Variants in ALK observed in about 807,000 individuals in gnomAD.
ALK encodes ALK receptor tyrosine kinase.
ALK carries 74 observed loss-of-function variants against 163.1 expected under a neutral mutation model. The ratio of observed to expected loss-of-function variants is 0.45; its 90% CI spans 0.38 to 0.55. The LOEUF is 0.55. Among genes scored for constraint, ALK ranks in the 20% least tolerant of loss-of-function variants. The pLI is 0.00. For synonymous variants in ALK, 960 were observed against 843.2 expected (o/e 1.14, Z -2.40); for missense variants, 2,063 against 2,105.3 (o/e 0.98, Z 0.39).
chr2:29,218,421 G>A (rs979580531), intron 23 of ALK, among the ~76,000 whole-genome samples: 8 of 152,174 alleles, frequency 5.3e-5, no homozygotes, highest in Admixed American at 3.3e-4. Flanking sequence ...CTGACTCTCC[G>A]AGGGTGGCAC....
In ALK at chr2:29,913,970, G is replaced by T. The variant is rs148367140; in HGVS notation, c.667+6023C>A. On this transcript the variant is annotated intron_variant, in intron 1 of 28. Transcript: ENST00000389048. ...TCTAGACCTGGACAGAGCACTCTCA[G>T]TTAAGAAACGTCTGCCATCTGAAAA... is the stretch of plus-strand genomic sequence containing the variant. 3.7e-3 allele frequency among the ~76,000 whole-genome samples: 570 copies of T among 152,290 alleles called. 2 individuals are homozygous for T. Among genetic ancestry groups the T allele is most frequent in the African/African-American group, 0.012 (492 of 41,536 alleles).
chr2:29,424,298 A>C (rs1415361760), intron 4 of ALK, among the ~76,000 whole-genome samples: 1 of 152,222 alleles, frequency 6.6e-6, no homozygotes, highest in Non-Finnish European at 1.5e-5. Flanking sequence ...TGACCAACCT[A>C]AAAATAGCCA....
chr2:29,608,469 G>A (rs901185128), intron 3 of ALK, among the ~76,000 whole-genome samples: 3 of 152,184 alleles, frequency 2.0e-5, no homozygotes, highest in African/African-American at 7.2e-5. Context: ...ATCTAAGATT[G>A]TGTCTTCTTG....
chr2:29,279,236 A>G (rs1210460568), intron 9 of ALK, among the ~76,000 whole-genome samples: 1 of 152,194 alleles, frequency 6.6e-6, no homozygotes, highest in East Asian at 1.9e-4. Flanking sequence ...TTTGATTGAC[A>G]CTGTGAATTG....
chr2:29,436,621 GT>G (rs1202682370), intron 4 of ALK, among the ~76,000 whole-genome samples: 3 of 152,152 alleles, frequency 2.0e-5, no homozygotes, highest in Non-Finnish European at 4.4e-5. Flanking sequence ...ACAGAGGCCA[GT>G]TTTTTTGCTA....
At chr2:29,900,678 G>C (rs1385468730) in intron 1 of ALK, among the ~76,000 whole-genome samples, 2 of 152,196 alleles carry the variant, frequency 1.3e-5, no homozygotes, top group Non-Finnish European at 2.9e-5. Context: ...CCTTGACTGG[G>C]CTTCACAGAA....
chr2:29,710,468 C>T (rs1558453676), intron 2 of ALK, among the ~76,000 whole-genome samples: 2 of 151,238 alleles, frequency 1.3e-5, no homozygotes. Context: ...TCTTCAACCT[C>T]CAATCACCAG....
chr2:29,706,923 G>A (rs1678926364), intron 2 of ALK, among the ~76,000 whole-genome samples: 1 of 149,844 alleles, frequency 6.7e-6, no homozygotes, highest in African/African-American at 2.5e-5. Flanking sequence ...AACCCAGATT[G>A]GACTTCCAGT....
chr2:29,434,281 C>A (rs1388224360), intron 4 of ALK, among the ~76,000 whole-genome samples: 1 of 152,110 alleles, frequency 6.6e-6, no homozygotes, highest in Non-Finnish European at 1.5e-5. Context: ...GCATAATGAC[C>A]TAATGCAAAT....
At chr2:29,654,525 G>A (rs1677124840) in intron 3 of ALK, among the ~76,000 whole-genome samples, 1 of 152,084 alleles carries the variant, frequency 6.6e-6, no homozygotes, top group Admixed American at 6.6e-5. Flanking sequence ...TGTGGGTAGG[G>A]GAACACTGAA....
rs138640483 is a variant in ALK, at chr2:29,742,417, C to T, written c.668-24720G>A. ...TGGAGTTGAGAGAAGAGATGGGCGG[C>T]CTTGCCTCTGTTACAGGCTGTGGGG... On this transcript the variant is annotated intron_variant, in intron 1 of 28. Coordinates refer to ENST00000389048, the MANE Select transcript of ALK (RefSeq NM_004304.5). Among the ~76,000 whole-genome samples, 755 of 152,298 alleles carry T rather than the reference C, an allele frequency of 5.0e-3. 5 individuals carry two copies. The highest frequency in any genetic ancestry group is 0.017 in the African/African-American group (727 of 41,558).
chr2:29,635,006 C>T (rs978733098), intron 3 of ALK, among the ~76,000 whole-genome samples: 1 of 152,074 alleles, frequency 6.6e-6, no homozygotes, highest in Non-Finnish European at 1.5e-5. Flanking sequence ...AACACCCAGG[C>T]ATCAAAATTA....
intron 3 of ALK, among the ~76,000 whole-genome samples, chr2:29,607,818 C>T (rs190343521): frequency 1.2e-3 from 190 of 152,184 alleles, no homozygotes; most frequent in African/African-American, 4.4e-3. Context: ...GTCATCTCAT[C>T]CTGTCTCGTG....
intron 12 of ALK, among the ~76,000 whole-genome samples, chr2:29,247,463 G>A (rs537338295): frequency 6.6e-6 from 1 of 152,362 alleles, no homozygotes; most frequent in East Asian, 1.9e-4. Context: ...GGCAGGACAT[G>A]GTGGGTGGAG....
intron 1 of ALK, among the ~76,000 whole-genome samples, chr2:29,748,124 CACA>C (rs1272895961): frequency 6.6e-6 from 1 of 152,230 alleles, no homozygotes; most frequent in South Asian, 2.1e-4. Context: ...TTGCAAGACC[CACA>C]ACAAGAGATC....
chr2:29,517,417 T>C (rs906745121), intron 4 of ALK, among the ~76,000 whole-genome samples: 2 of 152,182 alleles, frequency 1.3e-5, no homozygotes, highest in Non-Finnish European at 1.5e-5. Context: ...CAGCTTTTAC[T>C]GGGGCACTGT....
intron 1 of ALK, among the ~76,000 whole-genome samples, chr2:29,883,423 C>T (rs999770148): frequency 6.6e-6 from 1 of 152,174 alleles, no homozygotes; most frequent in Non-Finnish European, 1.5e-5. Context: ...ACCAGAAAAC[C>T]TTCCCAGACT....
chr2:29,615,268 A>T (rs1675808085), intron 3 of ALK, among the ~76,000 whole-genome samples: 1 of 152,156 alleles, frequency 6.6e-6, no homozygotes, highest in Admixed American at 6.5e-5. Flanking sequence ...TTCACTGGAC[A>T]GCCCCCGCAC....
intron 23 of ALK, among the ~76,000 whole-genome samples, chr2:29,220,046 T>C (rs1669758910): frequency 6.6e-6 from 1 of 152,156 alleles, no homozygotes; most frequent in Non-Finnish European, 1.5e-5. Flanking sequence ...TGTTTGTCTC[T>C]AGTTTGGTTT....
Sources: allele counts gnomAD v4.1 joint callset (sites outside exome capture counted in the v4.1 genomes callset), GRCh38; gene constraint gnomAD v4.1.1; transcripts MANE v1.5; gene names NCBI Gene and HGNC (gene_info 2026-07-23, HGNC 2026-07-21).